Variants in NOD2 observed in about 807,000 individuals in gnomAD.
The protein encoded by NOD2 is nucleotide binding oligomerization domain containing 2.
A neutral mutation model predicts 90.9 loss-of-function variants in NOD2; 86 were observed. That is an observed-to-expected ratio of 0.95 (90% CI 0.79 to 1.13). The LOEUF (loss-of-function observed/expected upper bound fraction) is 1.13. Among genes scored for constraint, NOD2 ranks in the 50% most tolerant of loss-of-function variants. The pLI, the probability that NOD2 is intolerant of heterozygous loss-of-function variation, is 0.00. For synonymous variants in NOD2, 581 were observed against 554.6 expected (o/e 1.05, Z -0.67); for missense variants, 1,238 against 1,283.8 (o/e 0.96, Z 0.55).
chr16:50,722,768 G>C, intron 8 of NOD2, 63 bp downstream of exon 8: 1 of 1,462,572 alleles, frequency 6.8e-7, no homozygotes, highest in East Asian at 2.3e-5. Context: ...GAGGAGCTGG[G>C]GCCAGTTCTG....
chr16:50,717,549 A>G (rs1024648968), intron 6 of NOD2, among the ~76,000 whole-genome samples: 4 of 152,180 alleles, frequency 2.6e-5, no homozygotes, highest in Non-Finnish European at 5.9e-5. Flanking sequence ...TCTCTCAGAT[A>G]TTCTTGCCTC....
At position 50,721,626 on chromosome 16, in the gene NOD2, G is replaced by T. The variant is rs112008121; in HGVS notation, c.2634-996G>T. Among the ~76,000 whole-genome samples, 320 of 152,132 alleles carry T rather than the reference G, an allele frequency of 2.1e-3. 1 individual carries two copies. The highest frequency in any genetic ancestry group is 7.3e-3 in the African/African-American group (301 of 41,498). ...TCCTACCTCGGCCTCCTGAGTAGCT[G>T]GGACTACAGGCACAAGCCACCATGC... On this transcript the variant is annotated intron_variant, in intron 7 of 11. Transcript: ENST00000647318.
At chr16:50,727,982 A>G in intron 10 of NOD2, 1 of 263,108 alleles carries the variant, frequency 3.8e-6, no homozygotes, top group South Asian at 4.1e-5. Flanking sequence ...CAGTTGTATA[A>G]AATCCACTTT....
chr16:50,721,807 A>G (rs1373394722), intron 7 of NOD2, among the ~76,000 whole-genome samples: 1 of 152,178 alleles, frequency 6.6e-6, no homozygotes, highest in African/African-American at 2.4e-5. Flanking sequence ...CTCATTTTTC[A>G]AAGAGCTGCA....
Position 50,711,309 on chromosome 16 carries a change from G to A in NOD2, c.1317G>A (p.Ala439=), listed in dbSNP as rs746104214. Residue 439 remains alanine (A), a synonymous_variant, in exon 4 of 12, where the codon GCG becomes GCA. Coordinates refer to ENST00000647318, the MANE Select transcript of NOD2 (RefSeq NM_001370466.1). Reference sequence around the variant, plus strand: ...AGCGCCATCATGAGCCCGGGGTGGCGGACCGCCTCATCCGCCTGCTCCAAG... The same window carrying A: ...AGCGCCATCATGAGCCCGGGGTGGCAGACCGCCTCATCCGCCTGCTCCAAG... ...LRKRHHEPGV[A]DRLIRLLQET... is the part of the protein sequence containing the mutation. 9.9e-6 allele frequency: 16 copies of A among 1,613,510 alleles called. No homozygotes were observed. The highest frequency in any genetic ancestry group is 1.3e-5 in the Non-Finnish European group (15 of 1,180,040).
chr16:50,725,352 A>G (rs776309677), intron 9 of NOD2, 137 bp from the exon 10 acceptor site: 4 of 684,026 alleles, frequency 5.8e-6, no homozygotes, highest in Non-Finnish European at 1.1e-5. Flanking sequence ...AATCCCCACA[A>G]CGTACTTTAT....
At chr16:50,703,606 C>A (rs1221218611) in intron 2 of NOD2, among the ~76,000 whole-genome samples, 1 of 151,444 alleles carries the variant, frequency 6.6e-6, no homozygotes, top group East Asian at 1.9e-4. Flanking sequence ...ACTGCTTGAA[C>A]CCGGGAGGCA....
rs201440399 is a variant in NOD2 at position 50,721,411 on chromosome 16, TG to T, written c.2634-1210del. On this transcript the variant is annotated intron_variant, in intron 7 of 11. Coordinates refer to ENST00000647318, the MANE Select transcript of NOD2 (RefSeq NM_001370466.1). ...GTTTGTTTTGTTTTGTTTTTGTTGT[TG>T]TTTTTTTTTGCTTCGCCATATATTA... 4.6e-5 allele frequency among the ~76,000 whole-genome samples: 7 copies of T among 151,778 alleles called. No individual in the cohort carries two copies. The East Asian group carries it at 7.7e-4, about 17-fold the overall frequency.
At chr16:50,697,852 G>T in intron 1 of NOD2, 1 of 200,740 alleles carries the variant, frequency 5.0e-6, no homozygotes, top group South Asian at 7.3e-5. Context: ...CTTGGCTACC[G>T]TATGAGGACG....
intron 6 of NOD2, among the ~76,000 whole-genome samples, chr16:50,717,487 A>G (rs748855): frequency 0.33 from 49,823 of 151,966 alleles, 8,915 homozygotes; most frequent in Non-Finnish European, 0.4. Flanking sequence ...ATGCCTTTAA[A>G]TTGCCCCTCT....
At chr16:50,718,373 G>A (rs75423837) in intron 6 of NOD2, among the ~76,000 whole-genome samples, 2,048 of 152,350 alleles carry the variant, frequency 0.013, 45 homozygotes, top group African/African-American at 0.047. Flanking sequence ...GCGTGGATGC[G>A]CTGGACGGGG....
intron 2 of NOD2, 86 bp from the exon 3 acceptor site, chr16:50,707,769 C>T: frequency 1.1e-6 from 1 of 907,928 alleles, no homozygotes; most frequent in South Asian, 1.3e-5. Context: ...AAGAGAGATG[C>T]TTATGAAGTT....
chr16:50,720,859 C>T (rs1048271710), intron 7 of NOD2, among the ~76,000 whole-genome samples: 6 of 151,934 alleles, frequency 3.9e-5, no homozygotes, highest in South Asian at 2.1e-4. Flanking sequence ...GGCTAGAGTG[C>T]AGTGGCACGA....
At chr16:50,709,859 A>T (rs988877206) in intron 3 of NOD2, 2 of 432,202 alleles carry the variant, frequency 4.6e-6, no homozygotes, top group Non-Finnish European at 9.4e-6. Context: ...AGAGTTTGCC[A>T]TGTCAGATAT....
intron 11 of NOD2, among the ~76,000 whole-genome samples, chr16:50,730,115 C>A (rs1965403708): frequency 6.6e-6 from 1 of 152,178 alleles, no homozygotes; most frequent in Non-Finnish European, 1.5e-5. Context: ...CATTTTTAAA[C>A]CTTGACTATT....
chr16:50,715,374 G>A (rs937333511), intron 4 of NOD2, among the ~76,000 whole-genome samples: 1 of 151,812 alleles, frequency 6.6e-6, no homozygotes, highest in Non-Finnish European at 1.5e-5. Flanking sequence ...TGCTCACAAG[G>A]CTTTATGTGC....
intron 3 of NOD2, among the ~76,000 whole-genome samples, chr16:50,709,775 A>G (rs1018036902): frequency 6.6e-6 from 1 of 152,206 alleles, no homozygotes; most frequent in African/African-American, 2.4e-5. Flanking sequence ...GAATCCGGAC[A>G]TGGACATCTT....
At chr16:50,706,368 G>C (rs1245351017) in intron 2 of NOD2, among the ~76,000 whole-genome samples, 1 of 152,182 alleles carries the variant, frequency 6.6e-6, no homozygotes, top group African/African-American at 2.4e-5. Flanking sequence ...GTTTGTACAG[G>C]AGCAATGTGA....
intron 1 of NOD2, among the ~76,000 whole-genome samples, chr16:50,696,951 T>TA (rs1963674682): frequency 6.6e-6 from 1 of 152,236 alleles, no homozygotes; most frequent in South Asian, 2.1e-4. Context: ...GGCCCCTACT[T>TA]ACTTGTGGCC....
Sources: allele counts gnomAD v4.1 joint callset (sites outside exome capture counted in the v4.1 genomes callset), GRCh38; gene constraint gnomAD v4.1.1; transcripts MANE v1.5; gene names NCBI Gene and HGNC (gene_info 2026-07-23, HGNC 2026-07-21).